The following SCAND3 variants were observed in gnomAD, a reference collection of about 807,000 sequenced individuals.
SCAND3 encodes SCAN domain containing 3, also known as SCAN domain-containing protein 3.
At chr6:28,598,876 CAAAAAAAAAAA>C in the SCAND3 span, among the ~76,000 whole-genome samples, 1 of 74,318 alleles carries the variant, frequency 1.3e-5, no homozygotes, top group African/African-American at 4.8e-5. Flanking sequence ...GACTATGTCT[CAAAAAAAAAAA>C]AAAAAAAGAA....
At chr6:28,573,667 T>C in the SCAND3 span, 2 of 1,612,004 alleles carry the variant, frequency 1.2e-6, no homozygotes, top group Non-Finnish European at 1.7e-6. Flanking sequence ...AAACTCAATA[T>C]ATGAAGGATC....
chr6:28,603,959 A>G, the SCAND3 span, among the ~76,000 whole-genome samples: 8 of 152,206 alleles, frequency 5.3e-5, no homozygotes, highest in Admixed American at 2.6e-4. Context: ...CCTTCATGTG[A>G]TCTCCCCAAC....
At chr6:28,572,146 G>T in the SCAND3 span, 1 of 1,613,904 alleles carries the variant, frequency 6.2e-7, no homozygotes, top group African/African-American at 1.3e-5. The surrounding 1 kb of genome is among the most constrained non-coding windows in gnomAD (Gnocchi z 4.1). Flanking sequence ...TATCCAAAAT[G>T]AAGGAAGTGA....
chr6:28,595,353 AAAG>A, the SCAND3 span, among the ~76,000 whole-genome samples: 99 of 144,734 alleles, frequency 6.8e-4, no homozygotes, highest in African/African-American at 1.1e-3. Context: ...AAAAAAAAAA[AAAG>A]AAGAAGAAGA....
the SCAND3 span, chr6:28,571,952 C>G: frequency 6.2e-7 from 1 of 1,613,218 alleles, no homozygotes; most frequent in Non-Finnish European, 8.5e-7. Flanking sequence ...GTTAATTTGT[C>G]TAATCTAGGT....
chr6:28,571,861 C>T, the SCAND3 span: 1 of 1,585,184 alleles, frequency 6.3e-7, no homozygotes, highest in African/African-American at 1.4e-5. Context: ...ACACTCAATG[C>T]TTATATGCAT....
chr6:28,586,273 G>A, the SCAND3 span: 1 of 1,561,648 alleles, frequency 6.4e-7, no homozygotes, highest in Non-Finnish European at 8.7e-7. The surrounding 1 kb of genome is among the most constrained non-coding windows in gnomAD (Gnocchi z 4.4). Context: ...ATTCTCCACA[G>A]AAGATGGCAC....
chr6:28,588,967 C>G, the SCAND3 span, among the ~76,000 whole-genome samples: 3 of 152,314 alleles, frequency 2.0e-5, no homozygotes, highest in South Asian at 6.2e-4. The surrounding 1 kb of genome is among the most constrained non-coding windows in gnomAD (Gnocchi z 4.1). Flanking sequence ...GTAAGATTTG[C>G]AAAAGTATGC....
chr6:28,575,842 A>G, the SCAND3 span: 10 of 1,613,978 alleles, frequency 6.2e-6, no homozygotes, highest in African/African-American at 9.3e-5. The surrounding 1 kb of genome is among the most constrained non-coding windows in gnomAD (Gnocchi z 4.2). Flanking sequence ...TACAGCCTCA[A>G]TTAGCTTCTC....
chr6:28,573,547 T>G, the SCAND3 span: 4 of 1,613,476 alleles, frequency 2.5e-6, no homozygotes, highest in Non-Finnish European at 3.4e-6. Flanking sequence ...ATGTTTTGAA[T>G]ATAAATGTCG....
chr6:28,583,953 G>C, the SCAND3 span, among the ~76,000 whole-genome samples: 1 of 152,172 alleles, frequency 6.6e-6, no homozygotes, highest in African/African-American at 2.4e-5. Context: ...GATACAGCTT[G>C]GGTTGGTTTT....
the SCAND3 span, among the ~76,000 whole-genome samples, chr6:28,608,199 C>A: frequency 2.6e-5 from 4 of 152,158 alleles, no homozygotes; most frequent in African/African-American, 9.7e-5. Context: ...TCATTTAAAC[C>A]GCTATTGCTA....
the SCAND3 span, chr6:28,589,862 T>TTG: frequency 5.3e-5 from 8 of 149,584 alleles, no homozygotes; most frequent in Non-Finnish European, 7.4e-5. Context: ...GTTTGTTTTT[T>TTG]TTTTTTTTTT....
chr6:28,615,857 C>T, the SCAND3 span, among the ~76,000 whole-genome samples: 1 of 152,236 alleles, frequency 6.6e-6, no homozygotes, highest in African/African-American at 2.4e-5. Flanking sequence ...AAAGTCATCT[C>T]CAGAAGATGT....
the SCAND3 span, among the ~76,000 whole-genome samples, chr6:28,602,627 A>G: frequency 6.6e-6 from 1 of 152,214 alleles, no homozygotes; most frequent in Non-Finnish European, 1.5e-5. Flanking sequence ...GTAGGGCCCA[A>G]TTCATATGTG....
chr6:28,599,133 T>C, the SCAND3 span, among the ~76,000 whole-genome samples: 2 of 152,148 alleles, frequency 1.3e-5, no homozygotes, highest in East Asian at 3.8e-4. Context: ...TGAGGAAAGC[T>C]ACAAAACTCT....
At chr6:28,575,236 T>C in the SCAND3 span, 62 of 1,613,940 alleles carry the variant, frequency 3.8e-5, no homozygotes, top group South Asian at 6.6e-4. The surrounding 1 kb of genome is among the most constrained non-coding windows in gnomAD (Gnocchi z 4.2). Flanking sequence ...TGATGAGTTG[T>C]TAGTTTGCAT....
chr6:28,595,330 CAAAAAAAAA>C, the SCAND3 span, among the ~76,000 whole-genome samples: 3 of 37,332 alleles, frequency 8.0e-5, no homozygotes, highest in Non-Finnish European at 1.1e-4. Flanking sequence ...AACCCAGTCT[CAAAAAAAAA>C]AAAAAAAAAA....
chr6:28,574,021 A>C, the SCAND3 span, among the ~76,000 whole-genome samples: 1 of 152,176 alleles, frequency 6.6e-6, no homozygotes, highest in Admixed American at 6.5e-5. Flanking sequence ...AACGAAACAT[A>C]AAGTATCACA....
Sources: gnomAD v4.1 joint callset for allele counts (sites outside exome capture counted in the v4.1 genomes callset) on GRCh38, gnomAD v4.1.1 for gene constraint, Gnocchi (gnomAD v3.1) non-coding constraint, MANE v1.5 for transcripts, NCBI Gene and HGNC (gene_info 2026-07-23, HGNC 2026-07-21) for gene names.